The following C3orf33 variants were observed in gnomAD, a reference collection of about 807,000 sequenced individuals.
C3orf33 encodes AP-1 activity suppressor.
C3orf33 carries 23 observed loss-of-function variants against 28.7 expected under a neutral mutation model. That is an observed-to-expected ratio of 0.80 (90% CI 0.58 to 1.13). The LOEUF (loss-of-function observed/expected upper bound fraction) is 1.13. C3orf33 is among the 50% of genes most tolerant of loss of function. The pLI is 0.00. For missense variants in C3orf33, 327 were observed against 353.4 expected (o/e 0.93, Z 0.60); for synonymous variants, 119 against 120.5 (o/e 0.99, Z 0.08).
In C3orf33 at chr3:155,763,903, C is replaced by T. The variant is rs147770210; in HGVS notation, c.499G>A (p.Val167Met). ...LLVSKGGYFS[V>M]NLNEEILRRG... ...CTCAAAATTTCTTCATTCAGATTCA[C>T]GCTGAAATATCCACCCTTGAATTTA... The change falls in exon 5 of 5, where the codon GTG becomes ATG. Residue 167 changes from valine to methionine, a missense_variant. Physicochemically the swap from Val to Met is conservative, Grantham distance 21 (BLOSUM62 1). Transcript: ENST00000340171. 7.5e-5 allele frequency: 110 copies of T among 1,457,708 alleles called. No individual in the cohort carries two copies. Among genetic ancestry groups the T allele is most frequent in the African/African-American group, 6.8e-4 (47 of 69,110 alleles). 90.3% of individuals were successfully genotyped at this position (1,457,708 alleles called of 1,614,324 possible). A position where few individuals can be genotyped will look rare whatever the true frequency, so the allele number is the denominator to read the frequency against.
chr3:155,782,064 A>G (rs1230293173), intron 2 of C3orf33, among the ~76,000 whole-genome samples: 1 of 151,790 alleles, frequency 6.6e-6, no homozygotes, highest in Non-Finnish European at 1.5e-5. Flanking sequence ...ATACAAAATT[A>G]GCCAGGTGTG....
At chr3:155,771,058 G>A (rs192320683) in intron 3 of C3orf33, among the ~76,000 whole-genome samples, 4 of 104,678 alleles carry the variant, frequency 3.8e-5, no homozygotes, top group Non-Finnish European at 7.2e-5. Flanking sequence ...TGTGTGTGTT[G>A]AGACATAGTT....
chr3:155,801,911 T>C (rs985563654), intron 2 of C3orf33, among the ~76,000 whole-genome samples: 16 of 151,974 alleles, frequency 1.1e-4, no homozygotes, highest in Admixed American at 3.3e-4. Context: ...CCACCACACC[T>C]GGCTAATTGT....
chr3:155,773,746 A>T (rs1750657292), intron 3 of C3orf33, among the ~76,000 whole-genome samples: 3 of 152,208 alleles, frequency 2.0e-5, no homozygotes, highest in African/African-American at 7.2e-5. Flanking sequence ...CTGGACAACC[A>T]CAGGTGATGA....
intron 2 of C3orf33, among the ~76,000 whole-genome samples, chr3:155,796,081 G>A (rs1180073494): frequency 6.6e-6 from 1 of 151,658 alleles, no homozygotes; most frequent in Non-Finnish European, 1.5e-5. Context: ...AAGCAAACAG[G>A]AATCCATTTA....
At chr3:155,796,322 A>C (rs1751475193) in intron 2 of C3orf33, among the ~76,000 whole-genome samples, 2 of 152,126 alleles carry the variant, frequency 1.3e-5, no homozygotes. Context: ...GAGACATTAC[A>C]ACCAATACCA....
chr3:155,791,094 G>C (rs1367576535), intron 2 of C3orf33, among the ~76,000 whole-genome samples: 1 of 152,200 alleles, frequency 6.6e-6, no homozygotes, highest in African/African-American at 2.4e-5. Context: ...AAAAGGAAGA[G>C]TAAACAGAAT....
chr3:155,788,083 G>A (rs867835085), intron 2 of C3orf33, among the ~76,000 whole-genome samples: 2 of 151,690 alleles, frequency 1.3e-5, no homozygotes. Flanking sequence ...CCCAGCTACT[G>A]GGGAGGCTGA....
At position 155,763,843 on chromosome 3, in the gene C3orf33, G is replaced by A. The variant is rs778285413; in HGVS notation, c.559C>T (p.Leu187Phe). 4 of 1,561,170 alleles carry A rather than the reference G, an allele frequency of 2.6e-6. No homozygotes were observed. In the South Asian group the frequency reaches 3.7e-5, roughly 15 times the overall value. The stretch of plus-strand genomic sequence containing the variant: ...CAGTAGATTTTAGAATCATATTTAA[G>A]CCCTTTAACAAGAACAGTTTTGCCA... Reference protein sequence around the residue: ...GLGKTVLVKGLKYDSKIYWTV... With the variant: ...GLGKTVLVKGFKYDSKIYWTV... The change falls in exon 5 of 5, where the codon CTT becomes TTT. Residue 187 changes from leucine (L) to phenylalanine (F), a missense_variant. Coordinates refer to ENST00000340171, the MANE Select transcript of C3orf33 (RefSeq NM_001308229.2).
chr3:155,766,684 C>T (rs925350163), intron 4 of C3orf33, among the ~76,000 whole-genome samples: 1 of 152,260 alleles, frequency 6.6e-6, no homozygotes, highest in Non-Finnish European at 1.5e-5. Flanking sequence ...CACAGTGGCT[C>T]ATGCCTGTAA....
chr3:155,802,379 C>A (rs1022364725), intron 2 of C3orf33, among the ~76,000 whole-genome samples, 153 bp downstream of exon 2: 4 of 152,078 alleles, frequency 2.6e-5, no homozygotes, highest in African/African-American at 9.7e-5. Context: ...ATATTTAAAC[C>A]AAGACCTTAA....
intron 1 of C3orf33, 67 bp downstream of exon 1, chr3:155,806,072 G>T: frequency 8.7e-7 from 1 of 1,146,656 alleles, no homozygotes; most frequent in Non-Finnish European, 1.2e-6. Flanking sequence ...GAGGCCTCAC[G>T]TTGTTCTCAG....
chr3:155,793,376 AAAAAAAAAG>A (rs1262391587), intron 2 of C3orf33, among the ~76,000 whole-genome samples: 1 of 126,210 alleles, frequency 7.9e-6, no homozygotes, highest in Non-Finnish European at 1.9e-5. Context: ...AATCTGATTA[AAAAAAAAAG>A]AAAGAAAAAA....
At chr3:155,804,541 C>G (rs1577443187) in intron 1 of C3orf33, among the ~76,000 whole-genome samples, 1 of 152,210 alleles carries the variant, frequency 6.6e-6, no homozygotes, top group East Asian at 1.9e-4. Context: ...AGTTATCTTA[C>G]TCAACTTTCC....
chr3:155,802,116 A>G (rs1281776343), intron 2 of C3orf33, among the ~76,000 whole-genome samples: 1 of 152,202 alleles, frequency 6.6e-6, no homozygotes, highest in Non-Finnish European at 1.5e-5. Context: ...ACATTATTGA[A>G]AGAAATAAGA....
intron 2 of C3orf33, among the ~76,000 whole-genome samples, chr3:155,801,646 TACA>T: frequency 6.6e-6 from 1 of 152,300 alleles, no homozygotes; most frequent in South Asian, 2.1e-4. Flanking sequence ...TAATGCCACT[TACA>T]TGAGATATCT....
chr3:155,786,371 T>C (rs996293650), intron 2 of C3orf33, among the ~76,000 whole-genome samples: 1 of 151,746 alleles, frequency 6.6e-6, no homozygotes, highest in Non-Finnish European at 1.5e-5. Flanking sequence ...TTTAGCTAAA[T>C]GGACTAAAAA....
Position 155,806,231 on chromosome 3 carries a change from T to TGGCCGCGGGCTGCCCCGCC in C3orf33, c.3_21dup (p.Thr8GlyfsTer77). ...TCCTTGTCGGCAGACGGCGAGCCGG[T>TGGCCGCGGGCTGCCCCGCC]GGCCGCGGGCTGCCCCGCCATGTTC... On this transcript the variant is annotated frameshift_variant, in exon 1 of 5. Transcript: ENST00000340171. LOFTEE classifies it high-confidence loss of function. 6.8e-7 allele frequency: 1 copy of TGGCCGCGGGCTGCCCCGCC among 1,476,430 alleles called. No individual in the cohort carries two copies. Among genetic ancestry groups the TGGCCGCGGGCTGCCCCGCC allele is most frequent in the South Asian group, 1.3e-5 (1 of 76,994 alleles). The allele number at this position is 1,476,430 out of a possible 1,614,324, so 91.5% of individuals were successfully genotyped here.
chr3:155,776,269 A>C lies in C3orf33; in HGVS notation c.175-421T>G, dbSNP rs142432797. Reference sequence around the variant, plus strand: ...CAAAGCTCAGTCAAATTAAGTTAGAACCTTAACCAACCAGGTTTTTTTACT... The same window carrying C: ...CAAAGCTCAGTCAAATTAAGTTAGACCCTTAACCAACCAGGTTTTTTTACT... On this transcript the variant is annotated intron_variant, in intron 2 of 4. Coordinates refer to ENST00000340171, the MANE Select transcript of C3orf33 (RefSeq NM_001308229.2). Among the ~76,000 whole-genome samples, 210 of 152,340 alleles carry C rather than the reference A, an allele frequency of 1.4e-3. 1 individual carries two copies. The highest frequency in any genetic ancestry group is 5.0e-3 in the African/African-American group (207 of 41,578).
Sources: gnomAD v4.1 joint callset for allele counts (sites outside exome capture counted in the v4.1 genomes callset) on GRCh38, gnomAD v4.1.1 for gene constraint, MANE v1.5 for transcripts, NCBI Gene and HGNC (gene_info 2026-07-23, HGNC 2026-07-21) for gene names.